Variants in CCSER1 observed in about 807,000 individuals in gnomAD.
The protein encoded by CCSER1 is coiled-coil serine rich protein 1.
Under a neutral mutation model 82.0 loss-of-function variants are expected in CCSER1, and 41 were observed. The observed-to-expected ratio is 0.50, with a 90% CI of 0.39 to 0.65. The LOEUF (loss-of-function observed/expected upper bound fraction) is 0.65, where lower values mean the gene tolerates loss of function less well. Ranked by LOEUF, CCSER1 falls within the 30% of genes least tolerant of loss-of-function variation. The pLI is 0.00. For synonymous variants in CCSER1, 414 were observed against 383.9 expected (o/e 1.08, Z -0.92); for missense variants, 1,119 against 1,064.2 (o/e 1.05, Z -0.72).
chr4:90,477,515 A>T (rs767668587), intron 5 of CCSER1, among the ~76,000 whole-genome samples: 34 of 152,228 alleles, frequency 2.2e-4, no homozygotes, highest in Non-Finnish European at 4.4e-4. Context: ...TGGGCATAAG[A>T]ATAAGGGATT....
chr4:91,326,269 G>A (rs1279607789), intron 10 of CCSER1, among the ~76,000 whole-genome samples: 1 of 152,160 alleles, frequency 6.6e-6, no homozygotes, highest in Non-Finnish European at 1.5e-5. Flanking sequence ...CAGTTCTGCA[G>A]GCTGTACAGA....
At chr4:90,934,106 T>G (rs890094504) in intron 9 of CCSER1, among the ~76,000 whole-genome samples, 3 of 151,908 alleles carry the variant, frequency 2.0e-5, no homozygotes, top group South Asian at 2.1e-4. Context: ...GATCATTTTT[T>G]GTAACAGTTA....
intron 10 of CCSER1, among the ~76,000 whole-genome samples, chr4:91,217,978 A>G (rs1737399003): frequency 6.6e-6 from 1 of 152,200 alleles, no homozygotes; most frequent in Admixed American, 6.5e-5. Context: ...CGCATTCCTC[A>G]GCCCTTGGGT....
At chr4:90,841,527 G>A (rs1489618002) in intron 8 of CCSER1, among the ~76,000 whole-genome samples, 3 of 145,698 alleles carry the variant, frequency 2.1e-5, no homozygotes, top group Non-Finnish European at 4.5e-5. Context: ...GCAGTGAGCC[G>A]AGATCGCTCC....
At position 91,452,076 on chromosome 4, in the gene CCSER1, G is replaced by T. The variant is rs534250756; in HGVS notation, c.2218-146496G>T. ...ATAGTAAGTATTTACATCTCATTAT[G>T]AAGTGTAGGCTTAGATGTTTTCAAC... is the stretch of plus-strand genomic sequence containing the variant. On this transcript the variant is annotated intron_variant, in intron 10 of 10. Transcript: ENST00000509176. 3.3e-5 allele frequency among the ~76,000 whole-genome samples: 5 copies of T among 152,092 alleles called. No individual in the cohort carries two copies. In the East Asian group the frequency reaches 9.7e-4, roughly 29 times the overall value.
intron 9 of CCSER1, among the ~76,000 whole-genome samples, chr4:91,055,179 G>T (rs377652049): frequency 6.6e-5 from 10 of 151,888 alleles, no homozygotes; most frequent in South Asian, 6.3e-4. Flanking sequence ...TGCTTTATGG[G>T]TACCATGGGG....
At position 91,599,625 on chromosome 4, in the gene CCSER1, T is replaced by C. The variant is rs1764737922; in HGVS notation, c.*568T>C. 1 of 152,218 alleles carries C rather than the reference T, an allele frequency of 6.6e-6. No homozygotes were observed. The highest frequency in any genetic ancestry group is 2.4e-5 in the African/African-American group (1 of 41,472). 9.4% of individuals were successfully genotyped at this position (152,218 alleles called of 1,614,324 possible). A position where few individuals can be genotyped will look rare whatever the true frequency, so the allele number is the denominator to read the frequency against. On this transcript the variant is annotated 3_prime_UTR_variant, in exon 11 of 11. Transcript: ENST00000509176. ...CTATTACATACATTCAAGCTCATCTTGTGATACTAGTAAGGGGGAAATGGC... is the reference window on the plus strand; with the variant it reads ...CTATTACATACATTCAAGCTCATCTCGTGATACTAGTAAGGGGGAAATGGC...
At chr4:91,363,171 G>A (rs990082239) in intron 10 of CCSER1, among the ~76,000 whole-genome samples, 1 of 151,612 alleles carries the variant, frequency 6.6e-6, no homozygotes, top group East Asian at 1.9e-4. Context: ...AAAAAACAGG[G>A]TAGATAAAAT....
chr4:90,997,068 C>T (rs1314520659), intron 9 of CCSER1, among the ~76,000 whole-genome samples: 1 of 152,118 alleles, frequency 6.6e-6, no homozygotes, highest in Non-Finnish European at 1.5e-5. Context: ...GCCACTGTAA[C>T]AAAGAACCAC....
Position 90,603,650 on chromosome 4 carries a change from A to G in CCSER1, c.1725-24375A>G, listed in dbSNP as rs920233811. ...ACAATACTTTAGTAAATAACCTTGT[A>G]CATCTCCCTTTTGGCACATGTGGGA... is the stretch of plus-strand genomic sequence containing the variant. On this transcript the variant is annotated intron_variant, in intron 5 of 10. Transcript: ENST00000509176. Among the ~76,000 whole-genome samples, 5 of 152,316 alleles carry G rather than the reference A, an allele frequency of 3.3e-5. No individual in the cohort carries two copies. The Middle Eastern group carries it at 0.01, about 311-fold the overall frequency.
intron 5 of CCSER1, among the ~76,000 whole-genome samples, chr4:90,567,307 A>ATTTTTTTTTT (rs34947960): frequency 7.2e-6 from 1 of 138,738 alleles, no homozygotes; most frequent in African/African-American, 2.6e-5. Flanking sequence ...TTGTCTCTGG[A>ATTTTTTTTTT]TTTTTTTTTT....
In CCSER1 at chr4:90,544,023, G is replaced by A. The variant is rs189811801; in HGVS notation, c.1724+75669G>A. 1.8e-3 allele frequency among the ~76,000 whole-genome samples: 278 copies of A among 152,208 alleles called. 1 individual carries two copies. Among genetic ancestry groups the A allele is most frequent in the Non-Finnish European group, 3.3e-3 (227 of 68,000 alleles). On this transcript the variant is annotated intron_variant, in intron 5 of 10. Transcript: ENST00000509176. ...GAGACAAGAGTTTCTTCCAGTAAAA[G>A]CAGCAGTCGAAGTAACATTGTAATG...
chr4:90,132,534 G>A (rs1163242585), intron 1 of CCSER1, among the ~76,000 whole-genome samples: 1 of 152,150 alleles, frequency 6.6e-6, no homozygotes, highest in Admixed American at 6.5e-5. Context: ...ATATAAAGCT[G>A]ACTATTCTAA....
intron 9 of CCSER1, among the ~76,000 whole-genome samples, chr4:90,955,258 G>A (rs1207002067): frequency 6.6e-6 from 1 of 152,180 alleles, no homozygotes; most frequent in African/African-American, 2.4e-5. Flanking sequence ...GATATCAGAT[G>A]CTTGTAATGC....
At chr4:90,238,646 C>T (rs1472531989) in intron 1 of CCSER1, among the ~76,000 whole-genome samples, 1 of 152,096 alleles carries the variant, frequency 6.6e-6, no homozygotes, top group Non-Finnish European at 1.5e-5. Flanking sequence ...ACTTCCTTCT[C>T]ACACCCCCTC....
intron 10 of CCSER1, among the ~76,000 whole-genome samples, chr4:91,558,303 T>C (rs561587763): frequency 3.4e-4 from 51 of 151,766 alleles, no homozygotes; most frequent in African/African-American, 1.2e-3. Context: ...AAAAAGCAGA[T>C]GGAGATAAAT....
intron 10 of CCSER1, among the ~76,000 whole-genome samples, chr4:91,535,574 C>CA (rs1200833151): frequency 1.3e-5 from 2 of 152,074 alleles, no homozygotes; most frequent in Non-Finnish European, 2.9e-5. Context: ...TGGTTATAAG[C>CA]ATTGCCTCCT....
intron 6 of CCSER1, among the ~76,000 whole-genome samples, chr4:90,670,256 C>T (rs763862830): frequency 7.5e-4 from 114 of 152,184 alleles, no homozygotes; most frequent in Non-Finnish European, 1.3e-3. Flanking sequence ...CGTTGTATCT[C>T]AGGTTGGGAT....
intron 1 of CCSER1, among the ~76,000 whole-genome samples, chr4:90,209,239 C>G (rs1425485312): frequency 1.3e-5 from 2 of 152,164 alleles, no homozygotes; most frequent in Non-Finnish European, 2.9e-5. Context: ...TCAGTAGACA[C>G]TAAGTGTTCT....
Sources: gnomAD v4.1 joint callset for allele counts (sites outside exome capture counted in the v4.1 genomes callset) on GRCh38, gnomAD v4.1.1 for gene constraint, MANE v1.5 for transcripts, NCBI Gene and HGNC (gene_info 2026-07-23, HGNC 2026-07-21) for gene names.